Variants in DOCK9 observed in about 807,000 individuals in gnomAD.
DOCK9 encodes dedicator of cytokinesis protein 9.
A neutral mutation model predicts 263.3 loss-of-function variants in DOCK9; 89 were observed. The observed-to-expected ratio is 0.34, with a 90% CI of 0.28 to 0.40. The LOEUF is 0.40. DOCK9 is among the 10% of genes least tolerant of loss of function. The pLI, the probability that DOCK9 is intolerant of heterozygous loss-of-function variation, is 1.00. For synonymous variants in DOCK9, 976 were observed against 973.1 expected (o/e 1.00, Z -0.06); for missense variants, 2,140 against 2,603.4 (o/e 0.82, Z 3.87).
chr13:99,071,615 G>A (rs1270113517), intron 1 of DOCK9, among the ~76,000 whole-genome samples: 1 of 152,110 alleles, frequency 6.6e-6, no homozygotes, highest in Non-Finnish European at 1.5e-5. Flanking sequence ...CTCAGGGGTA[G>A]CAGAGGCAGT....
rs997898498 is a variant in DOCK9 at position 98,855,925 on chromosome 13, A to G, written c.3804T>C (p.Asn1268=). Reference sequence around the variant, plus strand: ...TATCCAGGGAATTGCTCTTCTCACTATTCCTTTCTGGAAGGCTGTTACCCG... The same window carrying G: ...TATCCAGGGAATTGCTCTTCTCACTGTTCCTTTCTGGAAGGCTGTTACCCG... ...TDSGNSLPER[N]SEKSNSLDKH... The change falls in exon 34 of 53, where the codon AAT becomes AAC. Residue 1268 remains asparagine, a synonymous_variant. Coordinates refer to ENST00000682017, the MANE Select transcript of DOCK9 (RefSeq NM_001366683.2). 1.2e-6 allele frequency: 2 copies of G among 1,613,882 alleles called. No individual in the cohort carries two copies. The highest frequency in any genetic ancestry group is 2.7e-5 in the African/African-American group (2 of 74,936).
chr13:99,061,387 A>G (rs1484373603), intron 1 of DOCK9, among the ~76,000 whole-genome samples: 1 of 151,756 alleles, frequency 6.6e-6, no homozygotes, highest in Non-Finnish European at 1.5e-5. Context: ...CACACACAAC[A>G]CTCCCTCACT....
Position 98,810,296 on chromosome 13 carries a change from T to C in DOCK9, c.5131-5A>G, listed in dbSNP as rs1471085187. 1.7e-5 allele frequency: 27 copies of C among 1,612,960 alleles called. No homozygotes were observed. Among genetic ancestry groups the C allele is most frequent in the Non-Finnish European group, 2.2e-5 (26 of 1,179,864 alleles). On this transcript the variant is annotated splice_polypyrimidine_tract_variant and splice_region_variant and intron_variant, in intron 45 of 52. Coordinates refer to ENST00000682017, the MANE Select transcript of DOCK9 (RefSeq NM_001366683.2). ...AAGGAGCTCCATCAGCACATCCTGA[T>C]CAAAGAGGAGGGCCAACAGCAAGAG...
At position 98,805,187 on chromosome 13, in the gene DOCK9, G is replaced by A; in HGVS notation, c.5537C>T (p.Ser1846Phe). The part of the protein sequence containing the change: ...SGKVNPKDLD[S>F]KYAYIQVTHV... ...AGTCACCTGGATGTATGCATACTTA[G>A]AATCCAGATCCTTAGGGTTGACCTT... Residue 1846 changes from serine (S) to phenylalanine (F), a missense_variant, in exon 49 of 53, where the codon TCT becomes TTT. By Grantham distance (155) the Ser-to-Phe change is radical. Transcript: ENST00000682017. The A allele has an allele frequency of 6.2e-7, 1 of 1,601,208 alleles. No individual in the cohort carries two copies. Among genetic ancestry groups the A allele is most frequent in the Non-Finnish European group, 8.5e-7 (1 of 1,172,592 alleles).
At chr13:98,867,633 A>C (rs1368153453) in intron 29 of DOCK9, 97 bp from the exon 30 acceptor site, 1 of 832,080 alleles carries the variant, frequency 1.2e-6, no homozygotes, top group African/African-American at 1.7e-5. Context: ...AATAGTCATT[A>C]GCTTCTTGAC....
At chr13:98,811,079 C>G (rs1189035876) in intron 45 of DOCK9, among the ~76,000 whole-genome samples, 1 of 152,190 alleles carries the variant, frequency 6.6e-6, no homozygotes, top group Non-Finnish European at 1.5e-5. Context: ...AGTGAAGGGC[C>G]TCCCTTCTGC....
chr13:98,939,844 C>T (rs903507556), intron 2 of DOCK9, among the ~76,000 whole-genome samples: 2 of 152,246 alleles, frequency 1.3e-5, no homozygotes, highest in South Asian at 2.1e-4. Flanking sequence ...ACAAGAGCTC[C>T]TTCCTTTTGT....
chr13:99,010,000 TA>T (rs35908012), intron 1 of DOCK9, among the ~76,000 whole-genome samples: 2,734 of 134,126 alleles, frequency 0.02, 36 homozygotes, highest in South Asian at 0.06. Flanking sequence ...GGCCATAAGG[TA>T]AAAAAAAAAA....
chr13:99,064,236 A>G (rs1319510654), intron 1 of DOCK9, among the ~76,000 whole-genome samples: 1 of 152,246 alleles, frequency 6.6e-6, no homozygotes, highest in East Asian at 1.9e-4. Context: ...GATGGCCACA[A>G]TAGGAAGCTG....
At chr13:98,796,318 A>T in intron 52 of DOCK9, 1 of 946,484 alleles carries the variant, frequency 1.1e-6, no homozygotes, top group Non-Finnish European at 1.7e-6. Flanking sequence ...GTCAGGGGAT[A>T]GGATCACTCC....
chr13:99,039,579 T>G (rs1342508877), intron 1 of DOCK9, among the ~76,000 whole-genome samples: 2 of 152,226 alleles, frequency 1.3e-5, no homozygotes. Context: ...GCCATTGGGT[T>G]ACCATTCTCT....
chr13:99,082,312 G>T (rs1596064108), intron 1 of DOCK9, among the ~76,000 whole-genome samples: 1 of 151,992 alleles, frequency 6.6e-6, no homozygotes. Flanking sequence ...GAGGTGAGGA[G>T]TTCAAAACCA....
At chr13:98,982,023 A>G (rs1877340587), upstream of DOCK9, among the ~76,000 whole-genome samples, 2 of 152,190 alleles carry the variant, frequency 1.3e-5, no homozygotes, top group African/African-American at 4.8e-5. Context: ...TGTTTAACCC[A>G]CAACAAACAT....
At chr13:99,071,706 C>T (rs1206011596) in intron 1 of DOCK9, among the ~76,000 whole-genome samples, 2 of 151,912 alleles carry the variant, frequency 1.3e-5, no homozygotes, top group Non-Finnish European at 2.9e-5. Flanking sequence ...ATTTCTGGCT[C>T]GCTTTTTAGT....
intron 2 of DOCK9, among the ~76,000 whole-genome samples, chr13:98,940,305 G>C (rs903573134): frequency 2.6e-5 from 4 of 152,220 alleles, no homozygotes; most frequent in Admixed American, 6.5e-5. Context: ...ATAGGACAGA[G>C]AGGCTGAAGA....
At chr13:98,808,510 GA>G in intron 47 of DOCK9, 1 of 681,190 alleles carries the variant, frequency 1.5e-6, no homozygotes, top group Non-Finnish European at 2.6e-6. Flanking sequence ...TTAAGAGAGA[GA>G]AAATGGTGCA....
In DOCK9 at chr13:98,885,061, G is replaced by A. The variant is rs149167828; in HGVS notation, c.2292C>T (p.Asp764=). The change falls in exon 21 of 53, where the codon GAC becomes GAT. Residue 764 remains aspartate (D), a synonymous_variant. Coordinates refer to ENST00000682017, the MANE Select transcript of DOCK9 (RefSeq NM_001366683.2). ...GCTGCTCGCTTGTCACCACCCTTCC[G>A]TCTTTCAGGAGGGGAAGCCAGGAGT... ...VGYSWLPLLK[D]GRVVTSEQHI... is the part of the protein sequence containing the mutation. 17 of 1,613,610 alleles carry A rather than the reference G, an allele frequency of 1.1e-5. No homozygotes were observed. The East Asian group carries it at 1.1e-4, about 11-fold the overall frequency.
chr13:98,817,467 T>C (rs1440473872), intron 45 of DOCK9, among the ~76,000 whole-genome samples: 1 of 116,352 alleles, frequency 8.6e-6, no homozygotes, highest in East Asian at 3.2e-4. Context: ...TTTTTTTTTT[T>C]TTTTTGGTAG....
At chr13:99,050,280 A>G (rs929100161) in intron 1 of DOCK9, among the ~76,000 whole-genome samples, 6 of 151,536 alleles carry the variant, frequency 4.0e-5, no homozygotes, top group African/African-American at 1.2e-4. Context: ...CCTGTAGGAG[A>G]AAAAAAAAGC....
Sources: allele counts gnomAD v4.1 joint callset (sites outside exome capture counted in the v4.1 genomes callset), GRCh38; gene constraint gnomAD v4.1.1; transcripts MANE v1.5; gene names NCBI Gene and HGNC (gene_info 2026-07-23, HGNC 2026-07-21).